ARAP2: variants seen among roughly 807,000 people sequenced by gnomAD.
The protein encoded by ARAP2 is ArfGAP with RhoGAP domain, ankyrin repeat and PH domain 2.
ARAP2 carries 148 observed loss-of-function variants against 194.5 expected under a neutral mutation model. The ratio of observed to expected loss-of-function variants is 0.76; its 90% CI spans 0.67 to 0.87. The LOEUF is 0.87. Ranked by LOEUF, ARAP2 falls within the 40% of genes least tolerant of loss-of-function variation. The pLI, the probability that ARAP2 is intolerant of heterozygous loss-of-function variation, is 0.00. For missense variants in ARAP2, 2,128 were observed against 1,989.7 expected (o/e 1.07, Z -1.32); for synonymous variants, 695 against 683.5 (o/e 1.02, Z -0.26).
intron 15 of ARAP2, among the ~76,000 whole-genome samples, chr4:36,153,688 G>T (rs1416503598): frequency 6.6e-6 from 1 of 152,178 alleles, no homozygotes; most frequent in Non-Finnish European, 1.5e-5. Context: ...ACCATGGAAT[G>T]ATATGCGTAA....
Position 36,164,982 on chromosome 4 carries a change from T to C in ARAP2, c.2105A>G (p.Asp702Gly). The change falls in exon 11 of 33, where the codon GAT becomes GGT. Residue 702 changes from aspartate (D) to glycine (G), a missense_variant. Physicochemically the swap from Asp to Gly is moderately conservative, Grantham distance 94. Transcript: ENST00000303965. ...CCAGTCAGGATCTGGGGCTTTACAA[T>C]CTGCACAGCTCCTGTTGGATTCATT... ...WFNESNRSCADCKAPDPDWAS... is the reference protein window; with the variant it reads ...WFNESNRSCAGCKAPDPDWAS... 1 of 1,614,124 alleles carries C rather than the reference T, an allele frequency of 6.2e-7. No homozygotes were observed.
chr4:36,228,886 A>C lies in ARAP2; in HGVS notation c.601T>G (p.Leu201Val), dbSNP rs762078333. 29 of 1,613,924 alleles carry C rather than the reference A, an allele frequency of 1.8e-5. No homozygotes were observed. Among genetic ancestry groups the C allele is most frequent in the African/African-American group, 2.7e-5 (2 of 74,914 alleles). Residue 201 changes from leucine to valine, a missense_variant, in exon 2 of 33, where the codon TTG becomes GTG. By Grantham distance (32) the Leu-to-Val change is conservative. Coordinates refer to ENST00000303965, the MANE Select transcript of ARAP2 (RefSeq NM_015230.4). ...AGCTTACTGAGATTTTCTGTGATCA[A>C]TTTAACTTTTTCTGTTTGTTGTTCT... is the stretch of plus-strand genomic sequence containing the variant. The part of the protein sequence containing the change: ...VEEQQTEKVK[L>V]ITENLSKLPN...
rs1266598955 is a variant in ARAP2, at chr4:36,140,407, T to C, written c.3263+6889A>G. On this transcript the variant is annotated intron_variant, in intron 19 of 32. Coordinates refer to ENST00000303965, the MANE Select transcript of ARAP2 (RefSeq NM_015230.4). ...TTAATATTTGTTTTGTAATAGTCTCTTTCTTTTTTAAAAACCTGTGGGAGT... is the reference window on the plus strand; with the variant it reads ...TTAATATTTGTTTTGTAATAGTCTCCTTCTTTTTTAAAAACCTGTGGGAGT... 2.0e-5 allele frequency among the ~76,000 whole-genome samples: 3 copies of C among 151,780 alleles called. No individual in the cohort carries two copies. The Admixed American group carries it at 2.0e-4, about 10-fold the overall frequency.
intron 20 of ARAP2, among the ~76,000 whole-genome samples, chr4:36,131,562 T>C (rs1375818235): frequency 6.6e-6 from 1 of 151,676 alleles, no homozygotes; most frequent in Non-Finnish European, 1.5e-5. Flanking sequence ...AAAGTTGTTA[T>C]AATATATGAG....
chr4:36,039,893 A>G (rs1253075344), intron 5 of ARAP2, among the ~76,000 whole-genome samples: 1 of 152,156 alleles, frequency 6.6e-6, no homozygotes, highest in African/African-American at 2.4e-5. Context: ...AAGTTTGGTT[A>G]GGGCTGCCAA....
chr4:36,121,087 G>C (rs905485418), intron 23 of ARAP2, 92 bp downstream of exon 23: 2 of 935,924 alleles, frequency 2.1e-6, no homozygotes, highest in Admixed American at 6.4e-5. Flanking sequence ...TATGAATAAA[G>C]ATCTGAATAA....
In ARAP2 at chr4:36,244,442, T is replaced by A. The variant is rs1280574390; in HGVS notation, c.-423A>T. On this transcript the variant is annotated 5_prime_UTR_variant, in exon 1 of 33. Transcript: ENST00000303965. ...CGCGGGCCGCGGACCCGCGCTCAGC[T>A]CCGGAAACGCCGAGCCCGGCGCCCG... The A allele has an allele frequency of 6.7e-6, 1 of 149,566 alleles. No individual in the cohort carries two copies. The highest frequency in any genetic ancestry group is 1.5e-5 in the Non-Finnish European group (1 of 67,106). The allele number at this position is 149,566 out of a possible 1,614,324, so 9.3% of individuals were successfully genotyped here.
intron 9 of ARAP2, among the ~76,000 whole-genome samples, chr4:36,170,287 G>C (rs1248754768): frequency 6.6e-6 from 1 of 152,178 alleles, no homozygotes; most frequent in Non-Finnish European, 1.5e-5. Context: ...TAACTATCAA[G>C]ACATAAATAC....
chr4:36,060,547 G>T (rs1724257622), intron 1 of ARAP2, among the ~76,000 whole-genome samples: 1 of 151,950 alleles, frequency 6.6e-6, no homozygotes, highest in South Asian at 2.1e-4. Context: ...AGTACCAGAG[G>T]GTATTCTGCT....
chr4:36,043,842 AGGGGGG>A (rs1560311627), intron 5 of ARAP2, among the ~76,000 whole-genome samples: 149 of 36,766 alleles, frequency 4.1e-3, no homozygotes, highest in Middle Eastern at 0.013. Context: ...AGGGGAGGGG[AGGGGGG>A]AGGGGAGGGG....
At chr4:36,035,120 T>C (rs1019371062) in intron 5 of ARAP2, among the ~76,000 whole-genome samples, 4 of 151,852 alleles carry the variant, frequency 2.6e-5, no homozygotes, top group Non-Finnish European at 4.4e-5. Flanking sequence ...GGGGAGGAGT[T>C]TCTCTTCTTT....
chr4:36,145,542 G>C (rs1729431232), intron 19 of ARAP2, among the ~76,000 whole-genome samples: 1 of 151,852 alleles, frequency 6.6e-6, no homozygotes, highest in Admixed American at 6.6e-5. Flanking sequence ...GGACCAAAGG[G>C]GGCAAGGGCT....
At chr4:36,048,303 G>A (rs961831388) in intron 3 of ARAP2, among the ~76,000 whole-genome samples, 1 of 152,148 alleles carries the variant, frequency 6.6e-6, no homozygotes, top group African/African-American at 2.4e-5. Context: ...ATTGAATGAT[G>A]CTGCAGTTTA....
intron 5 of ARAP2, among the ~76,000 whole-genome samples, chr4:36,019,936 C>A (rs1253834312): frequency 2.0e-5 from 3 of 152,090 alleles, no homozygotes; most frequent in Admixed American, 2.0e-4. Context: ...TAGTGCTGAA[C>A]CCTATATATA....
At chr4:36,239,777 A>C (rs2109378063) in intron 1 of ARAP2, among the ~76,000 whole-genome samples, 1 of 152,318 alleles carries the variant, frequency 6.6e-6, no homozygotes, top group Admixed American at 6.5e-5. Context: ...TGTTATTTTT[A>C]CCCAGTAAAA....
chr4:36,085,148 T>C (rs1730520008), intron 28 of ARAP2, among the ~76,000 whole-genome samples: 1 of 152,098 alleles, frequency 6.6e-6, no homozygotes, highest in Non-Finnish European at 1.5e-5. Flanking sequence ...GCCTTGTCTT[T>C]TTAAATTAAA....
intron 26 of ARAP2, among the ~76,000 whole-genome samples, chr4:36,110,868 G>A (rs1288206252): frequency 6.6e-6 from 1 of 151,856 alleles, no homozygotes; most frequent in African/African-American, 2.4e-5. Flanking sequence ...CACATCCATG[G>A]TGATTCCATT....
At chr4:36,112,847 T>C (rs890001169) in intron 26 of ARAP2, among the ~76,000 whole-genome samples, 2 of 151,640 alleles carry the variant, frequency 1.3e-5, no homozygotes, top group African/African-American at 4.8e-5. Context: ...GTGAGCCAGA[T>C]GGAGGAAGAA....
At chr4:36,052,410 A>G (rs939897351) in intron 2 of ARAP2, among the ~76,000 whole-genome samples, 2 of 152,224 alleles carry the variant, frequency 1.3e-5, no homozygotes, top group African/African-American at 4.8e-5. Context: ...TGAGTTCTAA[A>G]GCAACGCATG....
Sources: allele counts gnomAD v4.1 joint callset (sites outside exome capture counted in the v4.1 genomes callset), GRCh38; gene constraint gnomAD v4.1.1; transcripts MANE v1.5; gene names NCBI Gene and HGNC (gene_info 2026-07-23, HGNC 2026-07-21).